Variants in FLT3 observed in about 807,000 individuals in gnomAD.
The protein encoded by FLT3 is receptor-type tyrosine-protein kinase FLT3.
Under a neutral mutation model 126.6 loss-of-function variants are expected in FLT3, and 46 were observed. That is an observed-to-expected ratio of 0.36 (90% confidence interval 0.29 to 0.46). The LOEUF (loss-of-function observed/expected upper bound fraction) is 0.46, where lower values mean the gene tolerates loss of function less well. Among genes scored for constraint, FLT3 ranks in the 20% least tolerant of loss-of-function variants. FLT3 has a pLI of 1.00. For missense variants in FLT3, 1,069 were observed against 1,190.3 expected (o/e 0.90, Z 1.50); for synonymous variants, 404 against 434.4 (o/e 0.93, Z 0.87).
intron 3 of FLT3, among the ~76,000 whole-genome samples, chr13:28,059,086 T>C (rs1163721749): frequency 6.6e-6 from 1 of 152,060 alleles, no homozygotes; most frequent in Non-Finnish European, 1.5e-5. Context: ...GAAAGGAAAA[T>C]GAATGCGTTC....
rs10522717 is a variant in FLT3, at chr13:28,053,397, G to GATATATATATATAT, written c.485-737_485-724dup. Among the ~76,000 whole-genome samples the GATATATATATATAT allele has an allele frequency of 3.6e-3, 486 of 134,846 alleles. 10 individuals are homozygous for GATATATATATATAT. Among genetic ancestry groups the GATATATATATATAT allele is most frequent in the African/African-American group, 9.2e-3 (296 of 32,114 alleles). 88.5% of individuals were successfully genotyped at this position (134,846 alleles called of 152,430 possible). A position where few individuals can be genotyped will look rare whatever the true frequency, so the allele number is the denominator to read the frequency against. ...TGTTTGAAAATACTATGTACTGTTT[G>GATATATATATATAT]ATATATATATATATATATGAAAGAA... On this transcript the variant is annotated intron_variant, in intron 4 of 23. Transcript: ENST00000241453.
intron 15 of FLT3, among the ~76,000 whole-genome samples, chr13:28,030,351 T>A (rs1379510466): frequency 6.6e-6 from 1 of 152,192 alleles, no homozygotes. Flanking sequence ...CTTACATTTT[T>A]TAGCATGCTT....
At chr13:28,062,463 C>T (rs1876656113) in intron 2 of FLT3, among the ~76,000 whole-genome samples, 1 of 152,070 alleles carries the variant, frequency 6.6e-6, no homozygotes. Context: ...GAAGAGGAGG[C>T]AGGGCACGGT....
chr13:28,092,022 A>G (rs984235223), intron 1 of FLT3, among the ~76,000 whole-genome samples: 1 of 152,194 alleles, frequency 6.6e-6, no homozygotes, highest in East Asian at 1.9e-4. Flanking sequence ...GTGAGCCAAG[A>G]TCGCGCCATT....
intron 1 of FLT3, among the ~76,000 whole-genome samples, chr13:28,095,145 A>C (rs1341077536): frequency 6.6e-6 from 1 of 152,220 alleles, no homozygotes; most frequent in Non-Finnish European, 1.5e-5. Context: ...ATAAGAAAAA[A>C]CAAAAAACCA....
At chr13:28,061,804 G>T in intron 3 of FLT3, 63 bp downstream of exon 3, 1 of 1,366,886 alleles carries the variant, frequency 7.3e-7, no homozygotes, top group Non-Finnish European at 1.0e-6. Flanking sequence ...AACATGAACA[G>T]AAACTTGAAA....
chr13:28,052,037 T>C (rs1875541045), intron 5 of FLT3, among the ~76,000 whole-genome samples: 1 of 151,878 alleles, frequency 6.6e-6, no homozygotes, highest in African/African-American at 2.4e-5. Context: ...ATCCTTGTCC[T>C]CCCTGTGAAG....
intron 4 of FLT3, among the ~76,000 whole-genome samples, chr13:28,056,403 T>C (rs9579149): frequency 0.021 from 3,173 of 152,138 alleles, 94 homozygotes; most frequent in African/African-American, 0.071. Context: ...TGTGTCAATG[T>C]GTCGGGGGGA....
intron 17 of FLT3, 34 bp downstream of exon 17, chr13:28,027,054 T>C (rs1274572739): frequency 6.3e-7 from 1 of 1,595,108 alleles, no homozygotes; most frequent in Non-Finnish European, 8.6e-7. Context: ...CGTTCTATGA[T>C]GTGTAATTAC....
chr13:28,048,061 T>C (rs1875060508), intron 9 of FLT3, among the ~76,000 whole-genome samples: 1 of 152,162 alleles, frequency 6.6e-6, no homozygotes, highest in African/African-American at 2.4e-5. Context: ...GTTCTTTCTG[T>C]TTTCATGCAG....
rs146109614 is a variant in FLT3 at position 28,036,015 on chromosome 13, C to T, written c.1338G>A (p.Ser446=). 2.7e-5 allele frequency: 43 copies of T among 1,613,970 alleles called. No individual in the cohort carries two copies. In the African/African-American group the frequency reaches 4.9e-4, roughly 19 times the overall value. The part of the protein sequence containing the change: ...RRKPQVLAEA[S]ASQASCFSDG... The stretch of plus-strand genomic sequence containing the variant: ...CCGAGAAACAGGACGCCTGACTTGC[C>T]GATGCTTCTGCGAGCACTTGAGGTT... Residue 446 remains serine, a synonymous_variant, in exon 11 of 24, where the codon TCG becomes TCA. Coordinates refer to ENST00000241453, the MANE Select transcript of FLT3 (RefSeq NM_004119.3).
chr13:28,021,065 C>T (rs144670477), intron 19 of FLT3, among the ~76,000 whole-genome samples: 256 of 152,224 alleles, frequency 1.7e-3, no homozygotes, highest in Non-Finnish European at 3.0e-3. Flanking sequence ...CCAGGCCAGA[C>T]AATCTAAGTA....
intron 19 of FLT3, 84 bp from the exon 20 acceptor site, chr13:28,018,673 A>G (rs2137625240): frequency 6.8e-7 from 1 of 1,469,378 alleles, no homozygotes; most frequent in South Asian, 1.2e-5. Context: ...CAACTTCAGT[A>G]GGAGGTACCG....
At chr13:28,006,619 A>G (rs1196608313) in intron 23 of FLT3, among the ~76,000 whole-genome samples, 1 of 151,866 alleles carries the variant, frequency 6.6e-6, no homozygotes, top group East Asian at 1.9e-4. Context: ...CTCACTGTCT[A>G]GAAGTTTCTA....
intron 23 of FLT3, among the ~76,000 whole-genome samples, chr13:28,007,817 TA>T (rs1871044649): frequency 6.6e-6 from 1 of 152,204 alleles, no homozygotes; most frequent in Non-Finnish European, 1.5e-5. Context: ...AATACATTAG[TA>T]AACTCTATGA....
chr13:28,086,011 T>C (rs1267926495), intron 1 of FLT3, among the ~76,000 whole-genome samples: 1 of 152,162 alleles, frequency 6.6e-6, no homozygotes, highest in Non-Finnish European at 1.5e-5. Flanking sequence ...TATAGTTGGG[T>C]CTTACTTTTC....
chr13:28,052,745 A>T, intron 4 of FLT3, 71 bp from the exon 5 acceptor site: 2 of 1,069,220 alleles, frequency 1.9e-6, no homozygotes, highest in Middle Eastern at 2.5e-4. Flanking sequence ...TCAGAAAAGG[A>T]TTCTATGTCA....
intron 1 of FLT3, among the ~76,000 whole-genome samples, chr13:28,086,758 T>A (rs1317349424): frequency 2.6e-5 from 4 of 151,998 alleles, no homozygotes; most frequent in Non-Finnish European, 1.5e-5. Context: ...GCAATACTTC[T>A]GCCTCAGCCT....
chr13:28,082,997 C>T (rs1593299082), intron 1 of FLT3, among the ~76,000 whole-genome samples: 1 of 151,300 alleles, frequency 6.6e-6, no homozygotes, highest in Non-Finnish European at 1.5e-5. Flanking sequence ...TGAGCCACCG[C>T]GCCTGGCCAA....
Sources: gnomAD v4.1 joint callset for allele counts (sites outside exome capture counted in the v4.1 genomes callset) on GRCh38, gnomAD v4.1.1 for gene constraint, MANE v1.5 for transcripts, NCBI Gene and HGNC (gene_info 2026-07-23, HGNC 2026-07-21) for gene names.